Variants in CTNNA3 observed in about 807,000 individuals in gnomAD.
CTNNA3 encodes catenin alpha 3.
In CTNNA3, 76 loss-of-function variants were observed where a neutral mutation model predicts 95.7. The observed-to-expected ratio is 0.79, with a 90% CI of 0.66 to 0.96. The LOEUF (loss-of-function observed/expected upper bound fraction) is 0.96, where lower values mean the gene tolerates loss of function less well. CTNNA3 is among the 40% of genes least tolerant of loss of function. The pLI is 0.00. For synonymous variants in CTNNA3, 431 were observed against 374.4 expected, an observed-to-expected ratio of 1.15 and a Z score of -1.74; for missense variants, 1,191 against 1,089.8, an observed-to-expected ratio of 1.09 and a Z score of -1.31.
chr10:66,058,829 T>C (rs529326360), intron 15 of CTNNA3, among the ~76,000 whole-genome samples: 1 of 152,294 alleles, frequency 6.6e-6, no homozygotes, highest in East Asian at 1.9e-4. Context: ...GCTGTGATAT[T>C]AAGTAACAGG....
intron 5 of CTNNA3, among the ~76,000 whole-genome samples, chr10:67,237,173 T>TAA (rs1554810783): frequency 8.9e-6 from 1 of 112,818 alleles, no homozygotes; most frequent in South Asian, 3.7e-4. Flanking sequence ...TATATATATA[T>TAA]ACACACACAA....
chr10:66,815,705 A>G (rs535911652), intron 7 of CTNNA3, among the ~76,000 whole-genome samples: 30 of 152,310 alleles, frequency 2.0e-4, no homozygotes, highest in African/African-American at 7.0e-4. Context: ...GAAATAATAT[A>G]TTTAAACTGC....
chr10:66,881,176 A>G (rs1844837879), intron 7 of CTNNA3, among the ~76,000 whole-genome samples: 1 of 152,136 alleles, frequency 6.6e-6, no homozygotes, highest in Non-Finnish European at 1.5e-5. Flanking sequence ...AGGAAACAGG[A>G]TGAAAACAAC....
intron 9 of CTNNA3, among the ~76,000 whole-genome samples, chr10:66,711,316 T>G (rs1350689393): frequency 6.7e-6 from 1 of 148,928 alleles, no homozygotes; most frequent in Non-Finnish European, 1.5e-5. Flanking sequence ...AAACTCATCA[T>G]GACCTTTAGC....
intron 7 of CTNNA3, among the ~76,000 whole-genome samples, chr10:66,856,029 C>A (rs1264907135): frequency 6.6e-6 from 1 of 151,884 alleles, no homozygotes; most frequent in Non-Finnish European, 1.5e-5. Flanking sequence ...CATTTTGTCA[C>A]CCAGATAATA....
chr10:66,784,793 G>A (rs978950268), intron 7 of CTNNA3, among the ~76,000 whole-genome samples: 5 of 152,114 alleles, frequency 3.3e-5, no homozygotes, highest in African/African-American at 1.2e-4. Context: ...AGGTTTATTG[G>A]AGAGGATTTA....
intron 11 of CTNNA3, among the ~76,000 whole-genome samples, chr10:66,437,908 G>A (rs934471254): frequency 6.6e-6 from 1 of 152,128 alleles, no homozygotes; most frequent in Non-Finnish European, 1.5e-5. Context: ...TGTTGATGTT[G>A]ATGCTATTGC....
intron 6 of CTNNA3, among the ~76,000 whole-genome samples, chr10:67,187,052 T>A (rs1227386843): frequency 6.6e-6 from 1 of 152,176 alleles, no homozygotes; most frequent in Non-Finnish European, 1.5e-5. Context: ...TTATAATTTA[T>A]TTGATTAATA....
At chr10:66,748,682 A>G (rs1564656454) in intron 9 of CTNNA3, among the ~76,000 whole-genome samples, 1 of 152,212 alleles carries the variant, frequency 6.6e-6, no homozygotes, top group Non-Finnish European at 1.5e-5. Context: ...TAAAATAATT[A>G]ATTAATTCAG....
At chr10:66,731,499 G>A (rs147946808) in intron 9 of CTNNA3, among the ~76,000 whole-genome samples, 8 of 151,850 alleles carry the variant, frequency 5.3e-5, no homozygotes, top group African/African-American at 1.4e-4. Flanking sequence ...ACTCTGGCAC[G>A]TAAGTCTCTC....
At chr10:67,281,955 A>C (rs1219994989) in intron 5 of CTNNA3, among the ~76,000 whole-genome samples, 2 of 152,178 alleles carry the variant, frequency 1.3e-5, no homozygotes, top group Non-Finnish European at 1.5e-5. Flanking sequence ...TACTCTCTAC[A>C]TAGAAAACCT....
chr10:66,467,474 C>T (rs1192534356), intron 11 of CTNNA3, among the ~76,000 whole-genome samples: 6 of 152,034 alleles, frequency 3.9e-5, no homozygotes, highest in African/African-American at 1.4e-4. Flanking sequence ...TATGATCTGA[C>T]TTGCCCAAGA....
intron 6 of CTNNA3, among the ~76,000 whole-genome samples, chr10:67,209,975 AG>A (rs1445191479): frequency 1.3e-5 from 2 of 152,156 alleles, no homozygotes; most frequent in African/African-American, 2.4e-5. Flanking sequence ...ATAAAAGATC[AG>A]CAAATTAACC....
At chr10:67,146,357 A>G (rs1038825791) in intron 7 of CTNNA3, among the ~76,000 whole-genome samples, 1 of 152,252 alleles carries the variant, frequency 6.6e-6, no homozygotes, top group Non-Finnish European at 1.5e-5. Flanking sequence ...TTAAGTGTCT[A>G]TCTATATACC....
intron 7 of CTNNA3, among the ~76,000 whole-genome samples, chr10:67,168,015 C>T (rs1564937693): frequency 6.6e-6 from 1 of 152,038 alleles, no homozygotes; most frequent in African/African-American, 2.4e-5. Flanking sequence ...CTCACACCTG[C>T]AATCCCAGCT....
chr10:67,093,336 G>A, intron 7 of CTNNA3, among the ~76,000 whole-genome samples: 1 of 152,024 alleles, frequency 6.6e-6, no homozygotes, highest in African/African-American at 2.4e-5. Flanking sequence ...GGTTGACTAA[G>A]TCATTTATTG....
chr10:66,813,667 T>C (rs575343121), intron 7 of CTNNA3, among the ~76,000 whole-genome samples: 1 of 152,198 alleles, frequency 6.6e-6, no homozygotes, highest in Non-Finnish European at 1.5e-5. Flanking sequence ...TGAATTTTTC[T>C]AGAAAATTAA....
chr10:67,622,670 T>C (rs893946895), intron 2 of CTNNA3, among the ~76,000 whole-genome samples: 4 of 152,222 alleles, frequency 2.6e-5, no homozygotes, highest in African/African-American at 9.6e-5. Flanking sequence ...GGTTTTCCTA[T>C]CCTTATTTTA....
chr10:66,159,135 T>C (rs889242114), intron 13 of CTNNA3, among the ~76,000 whole-genome samples: 1 of 152,022 alleles, frequency 6.6e-6, no homozygotes, highest in Admixed American at 6.6e-5. Context: ...CTTTACCAAT[T>C]TGGATGCCAT....
Sources: allele counts gnomAD v4.1 joint callset (sites outside exome capture counted in the v4.1 genomes callset), GRCh38; gene constraint gnomAD v4.1.1; transcripts MANE v1.5; gene names NCBI Gene and HGNC (gene_info 2026-07-23, HGNC 2026-07-21).